The following SGSM2 variants were observed in gnomAD, a reference collection of about 807,000 sequenced individuals.
The protein encoded by SGSM2 is small G protein signaling modulator 2, also known as RUN and TBC1 domain containing 1.
A neutral mutation model predicts 126.6 loss-of-function variants in SGSM2; 89 were observed. The observed-to-expected ratio is 0.70, with a 90% confidence interval of 0.59 to 0.84. The LOEUF is 0.84. Ranked by LOEUF, SGSM2 falls within the 40% of genes least tolerant of loss-of-function variation. The pLI is 0.00. For missense variants in SGSM2, 1,404 were observed against 1,416.6 expected (o/e 0.99, Z 0.14); for synonymous variants, 614 against 574.3 (o/e 1.07, Z -0.99).
chr17:2,365,429 A>C (rs2151582058), intron 11 of SGSM2, 88 bp downstream of exon 11: 1 of 1,424,380 alleles, frequency 7.0e-7, no homozygotes, highest in South Asian at 1.4e-5. Flanking sequence ...GGCAGCAGGC[A>C]GGGCCCACTG....
chr17:2,369,043 G>T (rs753969611), intron 12 of SGSM2, among the ~76,000 whole-genome samples: 13 of 152,196 alleles, frequency 8.5e-5, no homozygotes, highest in Non-Finnish European at 1.9e-4. Context: ...TCCTCTCAAG[G>T]AACTCAGGGG....
At chr17:2,348,353 G>A (rs772065632) in intron 2 of SGSM2, among the ~76,000 whole-genome samples, 2 of 152,136 alleles carry the variant, frequency 1.3e-5, no homozygotes, top group Non-Finnish European at 1.5e-5. Flanking sequence ...GCAGGAGTTC[G>A]AGACCAGCCT....
At chr17:2,377,313 ATC>A in intron 21 of SGSM2, 1 of 441,520 alleles carries the variant, frequency 2.3e-6, no homozygotes, top group South Asian at 2.9e-5. Context: ...GTGAAACCCC[ATC>A]TCTACTAAAA....
rs1183156248 is a variant in SGSM2, at chr17:2,372,315, T to G, written c.1643-28T>G. 6.2e-7 allele frequency: 1 copy of G among 1,608,774 alleles called. No homozygotes were observed. Among genetic ancestry groups the G allele is most frequent in the Admixed American group, 1.7e-5 (1 of 59,668 alleles). ...GGGCGGGCGGCCCTGGGTCCCAGCC[T>G]CCTGCTGCCCACCGCTGCCCACCGC... On this transcript the variant is annotated intron_variant, in intron 14 of 23. Transcript: ENST00000268989. The surrounding 1 kb of genome is among the most constrained non-coding windows in gnomAD (Gnocchi z 6.0).
In SGSM2 at chr17:2,379,716, G is replaced by C; in HGVS notation, c.*196G>C. 7.1e-7 allele frequency: 1 copy of C among 1,413,778 alleles called. No homozygotes were observed. Among genetic ancestry groups the C allele is most frequent in the Non-Finnish European group, 9.2e-7 (1 of 1,083,380 alleles). The allele number at this position is 1,413,778 out of a possible 1,614,324, so 87.6% of individuals were successfully genotyped here. A position where few individuals can be genotyped will look rare whatever the true frequency, so the allele number is the denominator to read the frequency against. Reference sequence around the variant, plus strand: ...CAGGGGCCAGGATGCCCTCGGATCAGGGCCGGGATGGGAGGGGTCAGCCTC... The same window carrying C: ...CAGGGGCCAGGATGCCCTCGGATCACGGCCGGGATGGGAGGGGTCAGCCTC... On this transcript the variant is annotated 3_prime_UTR_variant, in exon 24 of 24. Coordinates refer to ENST00000268989, the MANE Select transcript of SGSM2 (RefSeq NM_014853.3).
Position 2,372,701 on chromosome 17 carries a change from T to C in SGSM2, c.1788+213T>C. 6 of 816,798 alleles carry C rather than the reference T, an allele frequency of 7.3e-6. No homozygotes were observed. The highest frequency in any genetic ancestry group is 1.2e-5 in the Non-Finnish European group (6 of 521,024). The allele number at this position is 816,798 out of a possible 1,614,324, so 50.6% of individuals were successfully genotyped here. The stretch of plus-strand genomic sequence containing the variant: ...AAGCCGTCCTGCCTCCACATCGCCC[T>C]GTGACCCTGGACAAAGCTTTGCCTC... On this transcript the variant is annotated intron_variant, in intron 15 of 23. Coordinates refer to ENST00000268989, the MANE Select transcript of SGSM2 (RefSeq NM_014853.3). This position sits in a 1 kb window ranked among gnomAD's most constrained non-coding sequence, Gnocchi z 6.0.
chr17:2,365,329 A>T lies in SGSM2; in HGVS notation c.1276A>T (p.Arg426Trp). The change falls in exon 11 of 24, where the codon AGG becomes TGG. Residue 426 changes from arginine to tryptophan, a missense_variant. Physicochemically the swap from Arg to Trp is moderately radical, Grantham distance 101. Transcript: ENST00000268989. ...YVFRIIYPGH[R>W]HEHITINYHH... is the part of the protein sequence containing the mutation. ...GTTCCGGATCATCTACCCCGGCCAC[A>T]GGCACGAGCACAGTGAGTGTCCCGA... is the stretch of plus-strand genomic sequence containing the variant. 1 of 1,562,048 alleles carries T rather than the reference A, an allele frequency of 6.4e-7. No individual in the cohort carries two copies. Among genetic ancestry groups the T allele is most frequent in the Admixed American group, 1.9e-5 (1 of 52,642 alleles).
At chr17:2,375,422 G>A in intron 17 of SGSM2, 70 bp from the exon 18 acceptor site, 2 of 1,528,084 alleles carry the variant, frequency 1.3e-6, no homozygotes, top group Non-Finnish European at 1.8e-6. Context: ...CTCCCTTCTG[G>A]CCCGAGGAGG....
intron 2 of SGSM2, among the ~76,000 whole-genome samples, chr17:2,354,238 C>T (rs2447104): frequency 0.44 from 66,836 of 151,766 alleles, 15,055 homozygotes; most frequent in East Asian, 0.64. Context: ...TTAGTAGAGA[C>T]GGGGTTTCAC....
intron 2 of SGSM2, 91 bp downstream of exon 2, chr17:2,343,711 A>G: frequency 9.0e-7 from 1 of 1,113,390 alleles, no homozygotes; most frequent in South Asian, 1.3e-5. Context: ...CAGGTGCAGT[A>G]GCTCTCAAAT....
At chr17:2,366,717 C>T (rs2065603937) in intron 11 of SGSM2, 1 of 152,550 alleles carries the variant, frequency 6.6e-6, no homozygotes, top group Admixed American at 6.5e-5. Context: ...CTTCCAGGAC[C>T]ACCTCGCCAA....
intron 11 of SGSM2, chr17:2,366,679 T>C: frequency 6.6e-6 from 1 of 152,460 alleles, no homozygotes; most frequent in Non-Finnish European, 1.5e-5. Context: ...TCTTCGATCT[T>C]TGCCATTTCC....
chr17:2,351,128 C>T (rs1182860284), intron 2 of SGSM2, among the ~76,000 whole-genome samples: 3 of 152,158 alleles, frequency 2.0e-5, no homozygotes, highest in Non-Finnish European at 1.5e-5. Flanking sequence ...TGGTGGGTGC[C>T]TGTAATCCCA....
intron 8 of SGSM2, 59 bp from the exon 9 acceptor site, chr17:2,364,537 G>A: frequency 6.8e-7 from 1 of 1,462,040 alleles, no homozygotes; most frequent in Non-Finnish European, 9.5e-7. Context: ...AGGAGACAAG[G>A]AAGGAAGGAA....
At chr17:2,371,495 T>C (rs2065870401) in intron 13 of SGSM2, 80 bp downstream of exon 13, 2 of 1,481,426 alleles carry the variant, frequency 1.4e-6, no homozygotes, top group East Asian at 4.8e-5. Flanking sequence ...AAAGGCCGTG[T>C]CACCTGCACG....
At chr17:2,365,162 C>T (rs1465215737) in intron 10 of SGSM2, 53 bp from the exon 11 acceptor site, 15 of 1,589,540 alleles carry the variant, frequency 9.4e-6, no homozygotes, top group Non-Finnish European at 1.3e-5. Flanking sequence ...TGTGTGGAAC[C>T]CTGGATGAGA....
At chr17:2,377,206 C>G in intron 21 of SGSM2, 138 bp downstream of exon 21, 1 of 630,896 alleles carries the variant, frequency 1.6e-6, no homozygotes, top group Non-Finnish European at 2.7e-6. Context: ...ATGGTTTCAG[C>G]AGGGCAACGT....
At position 2,372,407 on chromosome 17, in the gene SGSM2, C is replaced by T. The variant is rs185126674; in HGVS notation, c.1707C>T (p.Ser569=). Residue 569 remains serine (S), a synonymous_variant, in exon 15 of 24, where the codon AGC becomes AGT. Coordinates refer to ENST00000268989, the MANE Select transcript of SGSM2 (RefSeq NM_014853.3). This position sits in a 1 kb window ranked among gnomAD's most constrained non-coding sequence, Gnocchi z 6.0. ...ACCTGTCGGCGCTGGTGCACCATAGCGTTATCCCACCTGACCGGCCCCCGG... is the reference window on the plus strand; with the variant it reads ...ACCTGTCGGCGCTGGTGCACCATAGTGTTATCCCACCTGACCGGCCCCCGG... ...RTHLSALVHH[S]VIPPDRPPGA... is the part of the protein sequence containing the mutation. 3.2e-3 allele frequency: 5,080 copies of T among 1,597,118 alleles called. 17 individuals are homozygous for T. Among genetic ancestry groups the T allele is most frequent in the Middle Eastern group, 7.9e-3 (45 of 5,682 alleles).
At position 2,371,329 on chromosome 17, in the gene SGSM2, G is replaced by T. The variant is rs199943746; in HGVS notation, c.1491G>T (p.Leu497=). The change falls in exon 13 of 24, where the codon CTG becomes CTT. Residue 497 remains leucine, a synonymous_variant. Coordinates refer to ENST00000268989, the MANE Select transcript of SGSM2 (RefSeq NM_014853.3). ...TGCCAGCCTGGCACCTGGAGCCCCT[G>T]TGCAGTCAGGGCTCCTCCTGCCTCT... The part of the protein sequence containing the change: ...PSLPAWHLEP[L]CSQGSSCLSC... 4.8e-5 allele frequency: 78 copies of T among 1,612,464 alleles called. No individual in the cohort carries two copies. The East Asian group carries it at 1.1e-3, about 23-fold the overall frequency.
Sources: allele counts gnomAD v4.1 joint callset (sites outside exome capture counted in the v4.1 genomes callset), GRCh38; gene constraint gnomAD v4.1.1; non-coding constraint Gnocchi (gnomAD v3.1); transcripts MANE v1.5; gene names NCBI Gene and HGNC (gene_info 2026-07-23, HGNC 2026-07-21).